The following SDR39U1 variants were observed in gnomAD, a reference collection of about 807,000 sequenced individuals.
The protein encoded by SDR39U1 is epimerase family protein SDR39U1.
Under a neutral mutation model 31.7 loss-of-function variants are expected in SDR39U1, and 29 were observed. That is an observed-to-expected ratio of 0.92 (90% CI 0.68 to 1.25). The LOEUF is 1.25. Ranked by LOEUF, SDR39U1 falls within the 50% of genes most tolerant of loss-of-function variation. SDR39U1 has a pLI of 0.00. For missense variants in SDR39U1, 403 were observed against 378.4 expected, an observed-to-expected ratio of 1.06 and a Z score of -0.54; for synonymous variants, 147 against 159.0, an observed-to-expected ratio of 0.92 and a Z score of 0.57.
rs1242181531 is a variant in SDR39U1, at chr14:24,440,237, G to A, written c.728C>T (p.Pro243Leu). The A allele has an allele frequency of 1.1e-5, 17 of 1,613,804 alleles. No homozygotes were observed. Among genetic ancestry groups the A allele is most frequent in the Non-Finnish European group, 1.4e-5 (17 of 1,179,786 alleles). Residue 243 changes from proline (P) to leucine (L), a missense_variant, in exon 6 of 6, where the codon CCT becomes CTT. Transcript: ENST00000399395. The stretch of plus-strand genomic sequence containing the variant: ...AGCTTGCACCACAGCGCTGGGGAGA[G>A]GGATGAAGGCTCGGCGGCCCAGGGC... ...GAALGRRAFIPLPSAVVQAVF... is the reference protein window; with the variant it reads ...GAALGRRAFILLPSAVVQAVF...
intron 4 of SDR39U1, 182 bp from the exon 5 acceptor site, chr14:24,441,108 A>ACC: frequency 1.6e-6 from 1 of 627,756 alleles, no homozygotes; most frequent in Non-Finnish European, 2.8e-6. Context: ...CCCTGGAGGA[A>ACC]CTCTGGTTGC....
At position 24,442,358 on chromosome 14, in the gene SDR39U1, G is replaced by A. The variant is rs774700895; in HGVS notation, c.111C>T (p.Gly37=). 1.8e-5 allele frequency: 29 copies of A among 1,610,586 alleles called. No homozygotes were observed. The highest frequency in any genetic ancestry group is 2.3e-5 in the Non-Finnish European group (27 of 1,178,604). ...AGGATGGACTTACCCACGTGATCCG[G>A]CCGGGCCCGGGCTTTCGGGAGACCA... ...VTLVSRKPGP[G]RITWDELAAS... Residue 37 remains glycine, a synonymous_variant, in exon 2 of 6, where the codon GGC becomes GGT. Transcript: ENST00000399395.
intron 5 of SDR39U1, 27 bp downstream of exon 5, chr14:24,440,756 T>TGTC (rs775416337): frequency 6.2e-7 from 1 of 1,611,590 alleles, no homozygotes; most frequent in Non-Finnish European, 8.5e-7. Flanking sequence ...ATTCCAACCC[T>TGTC]GTCTGATACC....
rs765106974 is a variant in SDR39U1, at chr14:24,442,266, G to A, written c.124-6C>T. ...CCCGATGCAGCGAGCTCATCCTGTCGGAGAAAGCACACAGTGCCCCTGCCC... is the reference window on the plus strand; with the variant it reads ...CCCGATGCAGCGAGCTCATCCTGTCAGAGAAAGCACACAGTGCCCCTGCCC... On this transcript the variant is annotated splice_polypyrimidine_tract_variant and splice_region_variant and intron_variant, in intron 2 of 5. Coordinates refer to ENST00000399395, the MANE Select transcript of SDR39U1 (RefSeq NM_020195.3). 3.7e-6 allele frequency: 6 copies of A among 1,608,050 alleles called. No individual in the cohort carries two copies. In the South Asian group the frequency reaches 6.7e-5, roughly 18 times the overall value.
chr14:24,440,006 A>G lies in SDR39U1; in HGVS notation c.*77T>C. The G allele has an allele frequency of 8.1e-7, 1 of 1,228,172 alleles. No individual in the cohort carries two copies. Among genetic ancestry groups the G allele is most frequent in the Non-Finnish European group, 1.1e-6 (1 of 886,916 alleles). 76.1% of individuals were successfully genotyped at this position (1,228,172 alleles called of 1,614,324 possible). On this transcript the variant is annotated 3_prime_UTR_variant, in exon 6 of 6. Coordinates refer to ENST00000399395, the MANE Select transcript of SDR39U1 (RefSeq NM_020195.3). ...AAGAACCAGATGGCTTCAGCTCTCT[A>G]GAGGAGCTGAGCCTATTCACAGTGC...
At position 24,441,928 on chromosome 14, in the gene SDR39U1, C is replaced by T. The variant is rs1325908297; in HGVS notation, c.207-133G>A. ...TGAATTTCGGCTTAAGAGAAACAGTCAACGTCTCCTGTAGAGGGAAAGGGC... is the reference window on the plus strand; with the variant it reads ...TGAATTTCGGCTTAAGAGAAACAGTTAACGTCTCCTGTAGAGGGAAAGGGC... On this transcript the variant is annotated intron_variant, in intron 3 of 5. Transcript: ENST00000399395. The T allele has an allele frequency of 4.4e-6, 6 of 1,369,260 alleles. No homozygotes were observed. In the African/African-American group the frequency reaches 5.8e-5, roughly 13 times the overall value. The allele number at this position is 1,369,260 out of a possible 1,614,324, so 84.8% of individuals were successfully genotyped here.
chr14:24,439,797 C>T lies in SDR39U1; in HGVS notation c.*286G>A. ...AGACAATTTATTTTTATTGCCTAAACTGCAGAGCATTCTCTACACAGCGTA... is the reference window on the plus strand; with the variant it reads ...AGACAATTTATTTTTATTGCCTAAATTGCAGAGCATTCTCTACACAGCGTA... On this transcript the variant is annotated 3_prime_UTR_variant, in exon 6 of 6. Coordinates refer to ENST00000399395, the MANE Select transcript of SDR39U1 (RefSeq NM_020195.3). 2 of 309,896 alleles carry T rather than the reference C, an allele frequency of 6.5e-6. No homozygotes were observed. The highest frequency in any genetic ancestry group is 1.2e-5 in the Non-Finnish European group (2 of 169,492). 19.2% of individuals were successfully genotyped at this position (309,896 alleles called of 1,614,324 possible). A position where few individuals can be genotyped will look rare whatever the true frequency, so the allele number is the denominator to read the frequency against.
chr14:24,440,225 G>C lies in SDR39U1; in HGVS notation c.740C>G (p.Ala247Gly). 8 of 1,613,974 alleles carry C rather than the reference G, an allele frequency of 5.0e-6. No individual in the cohort carries two copies. The highest frequency in any genetic ancestry group is 6.8e-6 in the Non-Finnish European group (8 of 1,179,818). The change falls in exon 6 of 6, where the codon GCT (alanine) becomes GGT (glycine). Residue 247 changes from alanine (A) to glycine (G), a missense_variant. Coordinates refer to ENST00000399395, the MANE Select transcript of SDR39U1 (RefSeq NM_020195.3). ...GRRAFIPLPSAVVQAVFGRQR... is the reference protein window; with the variant it reads ...GRRAFIPLPSGVVQAVFGRQR... The stretch of plus-strand genomic sequence containing the variant: ...TCGCCCAAAGACAGCTTGCACCACA[G>C]CGCTGGGGAGAGGGATGAAGGCTCG...
Position 24,439,935 on chromosome 14 carries a change from AG to A in SDR39U1, c.*147del. 1.6e-6 allele frequency: 1 copy of A among 642,422 alleles called. No individual in the cohort carries two copies. Among genetic ancestry groups the A allele is most frequent in the Non-Finnish European group, 2.6e-6 (1 of 380,872 alleles). The allele number at this position is 642,422 out of a possible 1,614,324, so 39.8% of individuals were successfully genotyped here. ...ATGAGATTACGGCCTTGAGACAATA[AG>A]GTGGAGCAACAGAACAATGGGAAAG... On this transcript the variant is annotated 3_prime_UTR_variant, in exon 6 of 6. Coordinates refer to ENST00000399395, the MANE Select transcript of SDR39U1 (RefSeq NM_020195.3).
At chr14:24,441,206 T>A (rs1002558024) in intron 4 of SDR39U1, 2 of 524,302 alleles carry the variant, frequency 3.8e-6, no homozygotes, top group African/African-American at 3.8e-5. Context: ...GCTCCCTCAT[T>A]TATTAACTCT....
chr14:24,440,475 C>T lies in SDR39U1; in HGVS notation c.490G>A (p.Gly164Arg), dbSNP rs1397275450. The T allele has an allele frequency of 6.2e-7, 1 of 1,606,222 alleles. No individual in the cohort carries two copies. The highest frequency in any genetic ancestry group is 1.7e-5 in the Admixed American group (1 of 58,632). ...AGCATGTGGCCCATGGCACCACCCC[C>T]ACGGCCCAGCACAACCCCTAGAGCA... ...VVRSGVVLGR[G>R]GGAMGHMLLP... Residue 164 changes from glycine (G) to arginine (R), a missense_variant, in exon 6 of 6, where the codon GGG becomes AGG. Gly to Arg is a moderately radical substitution (Grantham distance 125). Coordinates refer to ENST00000399395, the MANE Select transcript of SDR39U1 (RefSeq NM_020195.3).
Position 24,439,835 on chromosome 14 carries a change from G to A in SDR39U1, c.*248C>T. 2.2e-6 allele frequency: 1 copy of A among 450,390 alleles called. No individual in the cohort carries two copies. The highest frequency in any genetic ancestry group is 4.0e-6 in the Non-Finnish European group (1 of 253,082). 27.9% of individuals were successfully genotyped at this position (450,390 alleles called of 1,614,324 possible). ...TCTACACAGCGTAAAGGAGAAGTGG[G>A]GCAGCTGCAGGACATGTAGAGAAAC... is the stretch of plus-strand genomic sequence containing the variant. On this transcript the variant is annotated 3_prime_UTR_variant, in exon 6 of 6. Coordinates refer to ENST00000399395, the MANE Select transcript of SDR39U1 (RefSeq NM_020195.3).
At chr14:24,440,735 C>G in intron 5 of SDR39U1, 48 bp downstream of exon 5, 1 of 1,599,678 alleles carries the variant, frequency 6.3e-7, no homozygotes, top group Non-Finnish European at 8.5e-7. Flanking sequence ...CTTCCCCAGC[C>G]CAGAGAAGAC....
Position 24,439,844 on chromosome 14 carries a change from A to C in SDR39U1, c.*239T>G. ...CGTAAAGGAGAAGTGGGGCAGCTGC[A>C]GGACATGTAGAGAAACCAAACTGGG... On this transcript the variant is annotated 3_prime_UTR_variant, in exon 6 of 6. Coordinates refer to ENST00000399395, the MANE Select transcript of SDR39U1 (RefSeq NM_020195.3). 1 of 468,944 alleles carries C rather than the reference A, an allele frequency of 2.1e-6. No homozygotes were observed. The highest frequency in any genetic ancestry group is 3.8e-6 in the Non-Finnish European group (1 of 264,046). 29.0% of individuals were successfully genotyped at this position (468,944 alleles called of 1,614,324 possible).
At position 24,441,773 on chromosome 14, in the gene SDR39U1, C is replaced by T. The variant is rs2043349505; in HGVS notation, c.229G>A (p.Glu77Lys). ...GTCTCTAGGCGGCTGCCGATTACCT[C>T]TTTTTGGAAGGTTTCATTCCATCTG... ...LRRWNETFQKEVIGSRLETTQ... is the reference protein window; with the variant it reads ...LRRWNETFQKKVIGSRLETTQ... The change falls in exon 4 of 6, where the codon GAG (glutamate) becomes AAG (lysine). Residue 77 changes from glutamate (E) to lysine (K), a missense_variant. Physicochemically the swap from Glu to Lys is moderately conservative, Grantham distance 56. Coordinates refer to ENST00000399395, the MANE Select transcript of SDR39U1 (RefSeq NM_020195.3). 2 of 1,604,744 alleles carry T rather than the reference C, an allele frequency of 1.2e-6. No homozygotes were observed. Among genetic ancestry groups the T allele is most frequent in the Non-Finnish European group, 1.7e-6 (2 of 1,177,080 alleles).
intron 4 of SDR39U1, 139 bp from the exon 5 acceptor site, chr14:24,441,065 C>T (rs1258093393): frequency 2.1e-6 from 2 of 945,068 alleles, no homozygotes; most frequent in African/African-American, 3.3e-5. Flanking sequence ...GATATTTTCC[C>T]CTTGAACTTC....
At chr14:24,442,637 C>T in intron 1 of SDR39U1, 117 bp downstream of exon 1, 1 of 1,384,558 alleles carries the variant, frequency 7.2e-7, no homozygotes. Context: ...GCTTCTCGGG[C>T]TAGGAGGCCA....
intron 4 of SDR39U1, 33 bp from the exon 5 acceptor site, chr14:24,440,959 G>A (rs117771143): frequency 1.2e-6 from 2 of 1,613,486 alleles, no homozygotes; most frequent in East Asian, 4.5e-5. Context: ...TGCCCTGGGT[G>A]TCCTTGGTCC....
chr14:24,440,527 C>A, intron 5 of SDR39U1, 35 bp from the exon 6 acceptor site: 1 of 1,569,512 alleles, frequency 6.4e-7, no homozygotes, highest in African/African-American at 1.4e-5. Context: ...CAGGGGTCCT[C>A]TCAGCCTTGA....
Sources: allele counts gnomAD v4.1 joint callset, GRCh38; gene constraint gnomAD v4.1.1; transcripts MANE v1.5; gene names NCBI Gene and HGNC (gene_info 2026-07-23, HGNC 2026-07-21).